Variants in ACACA observed in about 807,000 individuals in gnomAD.
ACACA encodes the protein acetyl-CoA carboxylase 1.
ACACA carries 103 observed loss-of-function variants against 296.1 expected under a neutral mutation model. The ratio of observed to expected loss-of-function variants is 0.35; its 90% CI spans 0.30 to 0.41. The LOEUF is 0.41. Ranked by LOEUF, ACACA falls within the 10% of genes least tolerant of loss-of-function variation. The pLI is 1.00. For missense variants in ACACA, 1,554 were observed against 2,989.7 expected, an observed-to-expected ratio of 0.52 and a Z score of 11.20; for synonymous variants, 953 against 1,038.6, an observed-to-expected ratio of 0.92 and a Z score of 1.58.
In ACACA at chr17:37,377,817, GT is replaced by G. The variant is rs367661724; in HGVS notation, c.38+28444del. The G allele has an allele frequency of 5.7e-5, 78 of 1,367,840 alleles. No individual in the cohort carries two copies. The African/African-American group carries it at 8.6e-4, about 15-fold the overall frequency. The allele number at this position is 1,367,840 out of a possible 1,614,324, so 84.7% of individuals were successfully genotyped here. A position where few individuals can be genotyped will look rare whatever the true frequency, so the allele number is the denominator to read the frequency against. The stretch of plus-strand genomic sequence containing the variant: ...CCAGAATTCTAAAAAGTAAGTACCA[GT>G]AAATTCTGATTTTCCCCAAACCTTC... On this transcript the variant is annotated intron_variant, in intron 1 of 55. Transcript: ENST00000616317.
At chr17:37,184,687 A>C (rs1411854236) in intron 39 of ACACA, among the ~76,000 whole-genome samples, 2 of 152,046 alleles carry the variant, frequency 1.3e-5, no homozygotes, top group African/African-American at 4.8e-5. Flanking sequence ...CTGTCTCTAA[A>C]AAAATTTAAA....
At chr17:37,243,651 T>C (rs1213581542) in intron 21 of ACACA, 92 bp from the exon 22 acceptor site, 3 of 1,405,646 alleles carry the variant, frequency 2.1e-6, no homozygotes, top group Admixed American at 1.7e-5. Flanking sequence ...ACGTGGGAAA[T>C]TGGTTCCAGA....
chr17:37,125,941 C>A, intron 47 of ACACA, 147 bp from the exon 48 acceptor site: 1 of 713,754 alleles, frequency 1.4e-6, no homozygotes, highest in Non-Finnish European at 2.6e-6. Context: ...AAGCATTAGG[C>A]AGCTGAATGT....
chr17:37,390,157 T>C (rs1174346044), intron 1 of ACACA, among the ~76,000 whole-genome samples: 3 of 34,604 alleles, frequency 8.7e-5, no homozygotes, highest in Admixed American at 6.2e-4. Flanking sequence ...TATATATATA[T>C]ATATATATAT....
intron 1 of ACACA, among the ~76,000 whole-genome samples, chr17:37,376,466 C>T (rs1166491849): frequency 6.6e-6 from 1 of 152,092 alleles, no homozygotes; most frequent in African/African-American, 2.4e-5. Context: ...ACCTAAGGTT[C>T]CCAAATTCAT....
chr17:37,314,552 A>G (rs1198765663), intron 3 of ACACA, among the ~76,000 whole-genome samples: 1 of 152,050 alleles, frequency 6.6e-6, no homozygotes, highest in Non-Finnish European at 1.5e-5. Context: ...ACTCTCCTGG[A>G]AAGTATTAGA....
At chr17:37,270,887 AG>A in intron 9 of ACACA, 26 bp from the exon 10 acceptor site, 1 of 1,551,218 alleles carries the variant, frequency 6.4e-7, no homozygotes, top group Non-Finnish European at 8.9e-7. Context: ...AAAAAAAAAT[AG>A]AAGAAACAGT....
intron 3 of ACACA, among the ~76,000 whole-genome samples, 192 bp downstream of exon 3, chr17:37,329,981 G>A (rs1044329662): frequency 2.0e-5 from 3 of 152,036 alleles, no homozygotes; most frequent in Non-Finnish European, 2.9e-5. Context: ...AGTAGGACAT[G>A]AAAAATTTGA....
In ACACA at chr17:37,087,783, C is replaced by T. The variant is rs555443088; in HGVS notation, c.7029-344G>A. Among the ~76,000 whole-genome samples, 6 of 152,192 alleles carry T rather than the reference C, an allele frequency of 3.9e-5. No individual in the cohort carries two copies. The South Asian group carries it at 1.2e-3, about 32-fold the overall frequency. On this transcript the variant is annotated intron_variant, in intron 55 of 55. Transcript: ENST00000616317. ...AAAAATAGAACTTCATGAGTCTGTA[C>T]CAATAATGTATATATAAAAGAATCG... is the stretch of plus-strand genomic sequence containing the variant.
At chr17:37,298,645 C>T (rs1338141097) in intron 3 of ACACA, among the ~76,000 whole-genome samples, 1 of 152,156 alleles carries the variant, frequency 6.6e-6, no homozygotes, top group Non-Finnish European at 1.5e-5. Context: ...TATGACCGCG[C>T]CACTGCACAA....
intron 54 of ACACA, 61 bp downstream of exon 54, chr17:37,096,935 G>A (rs1172566636): frequency 6.2e-7 from 1 of 1,601,530 alleles, no homozygotes; most frequent in East Asian, 2.2e-5. Flanking sequence ...GGCGAGACTT[G>A]CAGCCCTCAG....
intron 39 of ACACA, 114 bp from the exon 40 acceptor site, chr17:37,181,470 T>C (rs1209662510): frequency 1.8e-6 from 2 of 1,128,238 alleles, no homozygotes; most frequent in Non-Finnish European, 2.6e-6. Flanking sequence ...TTTGGTAGGT[T>C]GAGTAGCTGA....
rs1597772392 is a variant in ACACA at position 37,086,800 on chromosome 17, C to G, written c.*516G>C. ...TGGTTAAACTGGGAATCATTCCTCT[C>G]CAGTGCCTACTGTGTGCTGGGCTAA... On this transcript the variant is annotated 3_prime_UTR_variant, in exon 56 of 56. Transcript: ENST00000616317. The G allele has an allele frequency of 5.3e-6, 1 of 187,552 alleles. No individual in the cohort carries two copies. The highest frequency in any genetic ancestry group is 1.3e-4 in the East Asian group (1 of 7,660). 11.6% of individuals were successfully genotyped at this position (187,552 alleles called of 1,614,324 possible).
chr17:37,243,507 G>A lies in ACACA; in HGVS notation c.2795C>T (p.Pro932Leu). Residue 932 changes from proline (P) to leucine (L), a missense_variant, in exon 22 of 56, where the codon CCT (proline) becomes CTT (leucine). This residue lies in a region of ACACA where 316 missense variants were observed against 540.9 expected (regional missense o/e 0.58). Coordinates refer to ENST00000616317, the MANE Select transcript of ACACA (RefSeq NM_198834.3). ...LMKTLRDPSL[P>L]LLELQDIMTS... ...CATAATATCTTGCAATTCTAGGAGA[G>A]GCAGGGAGGGATCTCTGAGGGTTTT... is the stretch of plus-strand genomic sequence containing the variant. 6.2e-7 allele frequency: 1 copy of A among 1,614,128 alleles called. No homozygotes were observed. The highest frequency in any genetic ancestry group is 2.2e-5 in the East Asian group (1 of 44,884).
intron 10 of ACACA, 141 bp downstream of exon 10, chr17:37,270,610 G>C (rs2082026493): frequency 1.5e-6 from 1 of 679,080 alleles, no homozygotes; most frequent in Non-Finnish European, 2.6e-6. Flanking sequence ...TATGCAGGTA[G>C]AAACTAGAGA....
chr17:37,110,575 C>A (rs2073925643), intron 52 of ACACA, among the ~76,000 whole-genome samples: 1 of 152,178 alleles, frequency 6.6e-6, no homozygotes, highest in Non-Finnish European at 1.5e-5. Context: ...TGGCTCAGGG[C>A]TCCAAATGCC....
chr17:37,117,139 G>C (rs775073081), intron 50 of ACACA, among the ~76,000 whole-genome samples: 14 of 152,198 alleles, frequency 9.2e-5, no homozygotes, highest in Admixed American at 2.6e-4. Context: ...TCAAACAAGG[G>C]AACAGGGTGG....
At chr17:37,365,535 A>T in intron 1 of ACACA, 1 of 985,460 alleles carries the variant, frequency 1.0e-6, no homozygotes, top group Non-Finnish European at 1.2e-6. Context: ...GCTGCTTTAC[A>T]GATGGACAGA....
intron 3 of ACACA, among the ~76,000 whole-genome samples, chr17:37,300,276 A>C (rs771044610): frequency 1.3e-5 from 2 of 152,254 alleles, no homozygotes; most frequent in Admixed American, 6.5e-5. Context: ...AATTTGCCAC[A>C]GACAGATCTC....
Sources: gnomAD v4.1 joint callset for allele counts (sites outside exome capture counted in the v4.1 genomes callset) on GRCh38, gnomAD v4.1.1 for gene constraint, gnomAD v4.1.1 regional missense constraint, MANE v1.5 for transcripts, NCBI Gene and HGNC (gene_info 2026-07-23, HGNC 2026-07-21) for gene names.